The following CYP3A7 variants were observed in gnomAD, a reference collection of about 807,000 sequenced individuals.
CYP3A7 encodes cytochrome P450 family 3 subfamily A member 7.
CYP3A7 carries 45 observed loss-of-function variants against 55.2 expected under a neutral mutation model. That is an observed-to-expected ratio of 0.82 (90% confidence interval 0.64 to 1.05). The LOEUF (loss-of-function observed/expected upper bound fraction) is 1.05, where lower values mean the gene tolerates loss of function less well. CYP3A7 is among the 50% of genes least tolerant of loss of function. CYP3A7 has a pLI of 0.00. For missense variants in CYP3A7, 548 were observed against 605.3 expected (o/e 0.91, Z 0.99); for synonymous variants, 180 against 207.4 (o/e 0.87, Z 1.13).
intron 1 of CYP3A7, among the ~76,000 whole-genome samples, chr7:99,731,401 G>A (rs1311993735): frequency 6.6e-6 from 1 of 152,204 alleles, no homozygotes; most frequent in Admixed American, 6.5e-5. Flanking sequence ...CCCAGTCTGG[G>A]ATGAATATTT....
chr7:99,732,403 G>A (rs560259105), intron 1 of CYP3A7, among the ~76,000 whole-genome samples: 5 of 151,894 alleles, frequency 3.3e-5, no homozygotes, highest in African/African-American at 1.2e-4. Flanking sequence ...TTTTTTTATA[G>A]CAATGGAAGA....
chr7:99,719,452 ATACCTTAT>A (rs1814097057), intron 4 of CYP3A7, among the ~76,000 whole-genome samples: 1 of 152,208 alleles, frequency 6.6e-6, no homozygotes, highest in Non-Finnish European at 1.5e-5. Context: ...TCTAAATCTC[ATACCTTAT>A]ACAAAAAATA....
intron 1 of CYP3A7, among the ~76,000 whole-genome samples, chr7:99,734,358 G>A (rs372928219): frequency 1.3e-5 from 2 of 152,266 alleles, no homozygotes; most frequent in South Asian, 4.1e-4. Flanking sequence ...TCTCACTGGT[G>A]AGAAGATTCA....
chr7:99,723,350 T>G (rs1232548846), intron 2 of CYP3A7, among the ~76,000 whole-genome samples: 1 of 152,196 alleles, frequency 6.6e-6, no homozygotes. Flanking sequence ...ATGAGTCTTA[T>G]GATCTCCCTA....
chr7:99,719,489 A>G (rs986987248), intron 4 of CYP3A7, among the ~76,000 whole-genome samples: 4 of 152,208 alleles, frequency 2.6e-5, no homozygotes, highest in African/African-American at 9.7e-5. Context: ...TAGATAGTAG[A>G]GTTACATTTA....
intron 2 of CYP3A7, among the ~76,000 whole-genome samples, chr7:99,725,404 A>G (rs187010294): frequency 4.9e-4 from 74 of 152,310 alleles, no homozygotes; most frequent in African/African-American, 1.5e-3. Flanking sequence ...CCAAGTGACA[A>G]TGCATCTCTG....
At position 99,717,551 on chromosome 7, in the gene CYP3A7, G is replaced by A. The variant is rs1352579690; in HGVS notation, c.407C>T (p.Thr136Ile). The A allele has an allele frequency of 2.5e-6, 4 of 1,613,598 alleles. No homozygotes were observed. The African/African-American group carries it at 4.0e-5, about 16-fold the overall frequency. Residue 136 changes from threonine (T) to isoleucine (I), a missense_variant, in exon 5 of 13, where the codon ACA becomes ATA. Physicochemically the swap from Thr to Ile is moderately conservative, Grantham distance 89. Coordinates refer to ENST00000336374, the MANE Select transcript of CYP3A7 (RefSeq NM_000765.5). Reference sequence around the variant, plus strand: ...CTCCTTGAGTTTTCCGCTGGTGAATGTTGGAGACAGCAATGATCGTATTCT... The same window carrying A: ...CTCCTTGAGTTTTCCGCTGGTGAATATTGGAGACAGCAATGATCGTATTCT... ...WKRIRSLLSP[T>I]FTSGKLKEMV...
chr7:99,723,857 G>C (rs1814304661), intron 2 of CYP3A7, among the ~76,000 whole-genome samples: 1 of 152,178 alleles, frequency 6.6e-6, no homozygotes, highest in Admixed American at 6.5e-5. Context: ...AAACTCTGGT[G>C]CCAGTCATGG....
At chr7:99,716,889 AC>A (rs1006122785) in intron 6 of CYP3A7, among the ~76,000 whole-genome samples, 2 of 152,172 alleles carry the variant, frequency 1.3e-5, no homozygotes, top group Admixed American at 1.3e-4. Flanking sequence ...ATACAATCAC[AC>A]TTTTCCCCCT....
At position 99,731,846 on chromosome 7, in the gene CYP3A7, C is replaced by T. The variant is rs142368844; in HGVS notation, c.72-694G>A. Among the ~76,000 whole-genome samples the T allele has an allele frequency of 1.9e-3, 283 of 152,284 alleles. 1 individual carries two copies. The highest frequency in any genetic ancestry group is 3.2e-3 in the Non-Finnish European group (220 of 68,034). On this transcript the variant is annotated intron_variant, in intron 1 of 12. Coordinates refer to ENST00000336374, the MANE Select transcript of CYP3A7 (RefSeq NM_000765.5). ...GCACCTTTTAGCTACACCTCAGTCTCTGTGGTCAGAGGATCTGATTGATTT... is the reference window on the plus strand; with the variant it reads ...GCACCTTTTAGCTACACCTCAGTCTTTGTGGTCAGAGGATCTGATTGATTT...
chr7:99,707,930 G>T lies in CYP3A7; in HGVS notation c.1298C>A (p.Thr433Lys). 6.2e-7 allele frequency: 1 copy of T among 1,614,018 alleles called. No homozygotes were observed. Among genetic ancestry groups the T allele is most frequent in the Non-Finnish European group, 8.5e-7 (1 of 1,179,902 alleles). ...NKDNIDPYIY[T>K]PFGSGPRNCI... ...GTTTCTGGGTCCACTTCCAAAGGGT[G>T]TGTATATGTAAGGATCTATGTTGTC... The change falls in exon 12 of 13, where the codon ACA becomes AAA. Residue 433 changes from threonine (T) to lysine (K), a missense_variant. Thr to Lys is a moderately conservative substitution (Grantham distance 78). Transcript: ENST00000336374.
In CYP3A7 at chr7:99,717,231, A is replaced by C; in HGVS notation, c.467T>G (p.Leu156Trp). The C allele has an allele frequency of 6.2e-7, 1 of 1,613,924 alleles. No individual in the cohort carries two copies. The highest frequency in any genetic ancestry group is 8.5e-7 in the Non-Finnish European group (1 of 1,179,856). The stretch of plus-strand genomic sequence containing the variant: ...TGCTTCCCGCCTCAGATTTCTCACC[A>C]ACACATCTCCATACTGGGCAATGAT... ...VPIIAQYGDV[L>W]VRNLRREAET... Residue 156 changes from leucine to tryptophan, a missense_variant, in exon 6 of 13, where the codon TTG (leucine) becomes TGG (tryptophan). Leu to Trp is a moderately conservative substitution (Grantham distance 61). Transcript: ENST00000336374.
At position 99,726,483 on chromosome 7, in the gene CYP3A7, C is replaced by T. The variant is rs186913504; in HGVS notation, c.166-4135G>A. On this transcript the variant is annotated intron_variant, in intron 2 of 12. Coordinates refer to ENST00000336374, the MANE Select transcript of CYP3A7 (RefSeq NM_000765.5). ...GTACACTCTTTTGTTCTCAATATCT[C>T]CCTCCACAACTCACTATTCCATTCT... 3.3e-3 allele frequency among the ~76,000 whole-genome samples: 502 copies of T among 152,302 alleles called. 1 individual carries two copies. Among genetic ancestry groups the T allele is most frequent in the African/African-American group, 0.012 (480 of 41,556 alleles).
At chr7:99,725,501 C>T (rs1255197269) in intron 2 of CYP3A7, among the ~76,000 whole-genome samples, 3 of 152,210 alleles carry the variant, frequency 2.0e-5, no homozygotes, top group East Asian at 3.9e-4. Flanking sequence ...GCCACAGCTC[C>T]CAGGGGCTCC....
intron 12 of CYP3A7, 91 bp from the exon 13 acceptor site, chr7:99,705,686 A>G: frequency 1.3e-6 from 2 of 1,490,942 alleles, no homozygotes; most frequent in Admixed American, 1.8e-5. Flanking sequence ...ACTGACAATA[A>G]TGCTTTGTAA....
At chr7:99,726,661 G>A (rs898261632) in intron 2 of CYP3A7, among the ~76,000 whole-genome samples, 1 of 152,134 alleles carries the variant, frequency 6.6e-6, no homozygotes, top group Non-Finnish European at 1.5e-5. Flanking sequence ...CATTACTTCA[G>A]CCAAGCTCTC....
rs371358996 is a variant in CYP3A7 at position 99,715,915 on chromosome 7, A to C, written c.522-9T>G. 6.0e-4 allele frequency: 967 copies of C among 1,613,474 alleles called. 1 individual carries two copies. Among genetic ancestry groups the C allele is most frequent in the Non-Finnish European group, 7.9e-4 (936 of 1,179,748 alleles). ...TGTAGGCCCCAAAGACGCTGAGTGG[A>C]GAAAGATGTGGAAAATTAAAATCAG... On this transcript the variant is annotated splice_polypyrimidine_tract_variant and intron_variant, in intron 6 of 12. Transcript: ENST00000336374.
Position 99,715,358 on chromosome 7 carries a change from C to T in CYP3A7, c.670+400G>A, listed in dbSNP as rs895462253. 32 of 243,610 alleles carry T rather than the reference C, an allele frequency of 1.3e-4. 1 individual carries two copies. Among genetic ancestry groups the T allele is most frequent in the African/African-American group, 3.7e-4 (16 of 43,746 alleles). The allele number at this position is 243,610 out of a possible 1,614,324, so 15.1% of individuals were successfully genotyped here. A position where few individuals can be genotyped will look rare whatever the true frequency, so the allele number is the denominator to read the frequency against. On this transcript the variant is annotated intron_variant, in intron 7 of 12. Transcript: ENST00000336374. ...TACATTCATGCCACAACACAGTAAACGGAGAAGGGCAAACTAAGCCTGAAG... is the reference window on the plus strand; with the variant it reads ...TACATTCATGCCACAACACAGTAAATGGAGAAGGGCAAACTAAGCCTGAAG...
intron 1 of CYP3A7, 78 bp from the exon 2 acceptor site, chr7:99,731,230 A>C (rs773367350): frequency 5.9e-6 from 9 of 1,534,152 alleles, no homozygotes; most frequent in Non-Finnish European, 8.1e-6. Flanking sequence ...CTGACTGAGG[A>C]ACTGGAATGA....
Sources: gnomAD v4.1 joint callset for allele counts (sites outside exome capture counted in the v4.1 genomes callset) on GRCh38, gnomAD v4.1.1 for gene constraint, MANE v1.5 for transcripts, NCBI Gene and HGNC (gene_info 2026-07-23, HGNC 2026-07-21) for gene names.